Variants in MYCBP2 observed in about 807,000 individuals in gnomAD.
MYCBP2 encodes MYC binding protein 2.
MYCBP2 carries 120 observed loss-of-function variants against 525.3 expected under a neutral mutation model. The ratio of observed to expected loss-of-function variants is 0.23; its 90% CI spans 0.20 to 0.27. MYCBP2 has a LOEUF of 0.27. MYCBP2 is among the 10% of genes least tolerant of loss of function. The probability of loss-of-function intolerance (pLI) is 1.00; values close to 1 mark genes in which losing one functional copy is unlikely to be tolerated. For missense variants in MYCBP2, 4,149 were observed against 5,657.1 expected (o/e 0.73, Z 8.55); for synonymous variants, 1,894 against 1,955.8 (o/e 0.97, Z 0.83).
intron 17 of MYCBP2, among the ~76,000 whole-genome samples, chr13:77,241,499 G>C (rs2068816640): frequency 6.6e-6 from 1 of 152,020 alleles, no homozygotes; most frequent in African/African-American, 2.4e-5. Context: ...TAACTAATCT[G>C]AAAAAATTAT....
intron 20 of MYCBP2, among the ~76,000 whole-genome samples, chr13:77,219,190 A>G (rs188677368): frequency 1.3e-5 from 2 of 152,296 alleles, no homozygotes; most frequent in Non-Finnish European, 2.9e-5. Context: ...AGACATCTAG[A>G]ATAAACCACA....
intron 3 of MYCBP2, 125 bp from the exon 4 acceptor site, chr13:77,279,036 T>C (rs894596123): frequency 3.8e-6 from 2 of 524,928 alleles, no homozygotes; most frequent in Non-Finnish European, 6.0e-6. Flanking sequence ...GGAGCCATAA[T>C]AAAACATCAT....
intron 1 of MYCBP2, among the ~76,000 whole-genome samples, chr13:77,325,669 T>C (rs2082199898): frequency 3.9e-5 from 6 of 152,192 alleles, no homozygotes; most frequent in Admixed American, 3.9e-4. Context: ...TTTCCCCTTT[T>C]CCCTACAAAA....
At chr13:77,154,176 A>G (rs2056916351) in intron 46 of MYCBP2, among the ~76,000 whole-genome samples, 1 of 152,284 alleles carries the variant, frequency 6.6e-6, no homozygotes, top group Non-Finnish European at 1.5e-5. Flanking sequence ...ATATAATATG[A>G]TATTAATACA....
At chr13:77,241,436 T>C (rs2068801182) in intron 17 of MYCBP2, among the ~76,000 whole-genome samples, 1 of 152,126 alleles carries the variant, frequency 6.6e-6, no homozygotes, top group Non-Finnish European at 1.5e-5. Context: ...TTCATGTCGC[T>C]CAACCTAATA....
chr13:77,261,287 G>T lies in MYCBP2; in HGVS notation c.1736C>A (p.Ser579Tyr). Residue 579 changes from serine (S) to tyrosine (Y), a missense_variant, in exon 12 of 83, where the codon TCT becomes TAT. Physicochemically the swap from Ser to Tyr is moderately radical, Grantham distance 144. This residue lies in a region of MYCBP2 where 262 missense variants were observed against 419.3 expected (regional missense o/e 0.62). Coordinates refer to ENST00000544440, the MANE Select transcript of MYCBP2 (RefSeq NM_015057.5). ...AACTGAGAAGTGTACTATCTTTGGA[G>T]ATTTTGTAATTGGTAGCTCAACCCA... ...GKWVELPITK[S>Y]PKIVHFSVGH... is the part of the protein sequence containing the mutation. 1 of 1,613,390 alleles carries T rather than the reference G, an allele frequency of 6.2e-7. No homozygotes were observed. Among genetic ancestry groups the T allele is most frequent in the Non-Finnish European group, 8.5e-7 (1 of 1,179,712 alleles).
At chr13:77,303,026 T>C (rs183060736) in intron 1 of MYCBP2, among the ~76,000 whole-genome samples, 9 of 152,282 alleles carry the variant, frequency 5.9e-5, no homozygotes, top group African/African-American at 1.2e-4. Context: ...AGCACTGACA[T>C]AGAAAAACTT....
chr13:77,095,294 G>T, intron 58 of MYCBP2, 64 bp downstream of exon 58: 1 of 1,580,338 alleles, frequency 6.3e-7, no homozygotes, highest in South Asian at 1.2e-5. Context: ...AACTACCCTA[G>T]ATATCAATAA....
chr13:77,298,946 G>C (rs1328337938), intron 1 of MYCBP2, among the ~76,000 whole-genome samples: 4 of 152,046 alleles, frequency 2.6e-5, no homozygotes, highest in African/African-American at 9.7e-5. Flanking sequence ...GAAGCATCAG[G>C]GATGGTCAAT....
At chr13:77,251,393 A>G in intron 14 of MYCBP2, 38 bp from the exon 15 acceptor site, 1 of 1,551,186 alleles carries the variant, frequency 6.4e-7, no homozygotes, top group Non-Finnish European at 8.9e-7. Context: ...TATACAGGTT[A>G]CTTTCATGTA....
rs563229755 is a variant in MYCBP2, at chr13:77,262,035, C to A, written c.1647+18G>T. ...AAATCAGAGAATGCTCATTTTTAAT[C>A]CAAAGAGAATAATTTACCTTTCCAT... On this transcript the variant is annotated intron_variant, in intron 11 of 82. Coordinates refer to ENST00000544440, the MANE Select transcript of MYCBP2 (RefSeq NM_015057.5). The A allele has an allele frequency of 1.3e-5, 21 of 1,597,946 alleles. No homozygotes were observed. The South Asian group carries it at 2.2e-4, about 17-fold the overall frequency.
At chr13:77,294,104 C>CTATATATATATACATATA (rs2077779847) in intron 2 of MYCBP2, among the ~76,000 whole-genome samples, 2 of 41,918 alleles carry the variant, frequency 4.8e-5, no homozygotes, top group African/African-American at 1.4e-4. Context: ...GATATAATGG[C>CTATATATATATACATATA]TATATATATA....
Position 77,213,147 on chromosome 13 carries a change from T to A in MYCBP2, c.3058-987A>T, listed in dbSNP as rs549130188. Among the ~76,000 whole-genome samples the A allele has an allele frequency of 5.9e-5, 9 of 152,324 alleles. No individual in the cohort carries two copies. In the East Asian group the frequency reaches 1.7e-3, roughly 29 times the overall value. On this transcript the variant is annotated intron_variant, in intron 21 of 82. Transcript: ENST00000544440. ...ATTTCTCATACTCTTTTAAGATCTG[T>A]CCTTATTTTTTGACAAAAATAAGAG...
intron 14 of MYCBP2, among the ~76,000 whole-genome samples, chr13:77,253,908 A>G (rs1473795742): frequency 2.0e-5 from 3 of 151,984 alleles, no homozygotes; most frequent in Non-Finnish European, 4.4e-5. Context: ...TACATCAGAG[A>G]AAGTCTCACA....
chr13:77,120,566 C>T (rs1415943180), intron 55 of MYCBP2, among the ~76,000 whole-genome samples: 2 of 152,120 alleles, frequency 1.3e-5, no homozygotes, highest in African/African-American at 4.8e-5. Context: ...TCCACGTAAG[C>T]TATCTGCTCC....
At chr13:77,092,674 C>T (rs1464560204) in intron 59 of MYCBP2, 1 of 152,226 alleles carries the variant, frequency 6.6e-6, no homozygotes, top group Non-Finnish European at 1.5e-5. Flanking sequence ...GATCCACCCG[C>T]CTTGGCCTCC....
At position 77,097,765 on chromosome 13, in the gene MYCBP2, T is replaced by G; in HGVS notation, c.9389A>C (p.His3130Pro). ...GGTTTTCCCATCCTCACATTTTTCA[T>G]GCAGAGGTGGTTCCTTAAGCATAGA... ...VLSMLKEPPL[H>P]EKCEDGKTET... The change falls in exon 56 of 83, where the codon CAT (histidine) becomes CCT (proline). Residue 3130 changes from histidine (H) to proline (P), a missense_variant. Transcript: ENST00000544440. 1 of 1,613,716 alleles carries G rather than the reference T, an allele frequency of 6.2e-7. No individual in the cohort carries two copies. The highest frequency in any genetic ancestry group is 2.2e-5 in the East Asian group (1 of 44,850).
intron 1 of MYCBP2, among the ~76,000 whole-genome samples, chr13:77,315,353 G>GA (rs1383530744): frequency 6.6e-6 from 1 of 151,480 alleles, no homozygotes; most frequent in Non-Finnish European, 1.5e-5. Flanking sequence ...GAAAAGAAAA[G>GA]AAAAAAAACC....
intron 55 of MYCBP2, among the ~76,000 whole-genome samples, chr13:77,119,757 C>T (rs1234265514): frequency 6.6e-6 from 1 of 151,934 alleles, no homozygotes; most frequent in Non-Finnish European, 1.5e-5. Context: ...CTCTGTTGCC[C>T]AGGATGGAGC....
Sources: allele counts gnomAD v4.1 joint callset (sites outside exome capture counted in the v4.1 genomes callset), GRCh38; gene constraint gnomAD v4.1.1; regional missense constraint gnomAD v4.1.1; transcripts MANE v1.5; gene names NCBI Gene and HGNC (gene_info 2026-07-23, HGNC 2026-07-21).